The following AP3B1 variants were observed in gnomAD, a reference collection of about 807,000 sequenced individuals.
AP3B1 encodes the protein adaptor related protein complex 3 subunit beta 1.
Under a neutral mutation model 132.5 loss-of-function variants are expected in AP3B1, and 61 were observed. The ratio of observed to expected loss-of-function variants is 0.46; its 90% confidence interval spans 0.37 to 0.57. The LOEUF (loss-of-function observed/expected upper bound fraction) is 0.57, where lower values mean the gene tolerates loss of function less well. Among genes scored for constraint, AP3B1 ranks in the 20% least tolerant of loss-of-function variants. The pLI, the probability that AP3B1 is intolerant of heterozygous loss-of-function variation, is 0.00. For missense variants in AP3B1, 1,120 were observed against 1,289.4 expected (o/e 0.87, Z 2.01); for synonymous variants, 388 against 438.3 (o/e 0.89, Z 1.43).
intron 16 of AP3B1, 23 bp from the exon 17 acceptor site, chr5:78,128,183 T>C: frequency 6.4e-7 from 1 of 1,560,108 alleles, no homozygotes; most frequent in Non-Finnish European, 8.8e-7. Context: ...GGGAAAAATA[T>C]AAAATAAACA....
chr5:78,115,534 T>G (rs1259922539), intron 18 of AP3B1, among the ~76,000 whole-genome samples: 1 of 152,214 alleles, frequency 6.6e-6, no homozygotes, highest in Non-Finnish European at 1.5e-5. Flanking sequence ...TTATCTGATA[T>G]AGAGAAAAGT....
At chr5:78,037,751 T>C (rs903403840) in intron 23 of AP3B1, among the ~76,000 whole-genome samples, 2 of 152,178 alleles carry the variant, frequency 1.3e-5, no homozygotes, top group Non-Finnish European at 2.9e-5. Flanking sequence ...TTAAGTATTA[T>C]AAAAAGGAGC....
At chr5:78,081,968 G>A (rs1212758819) in intron 22 of AP3B1, among the ~76,000 whole-genome samples, 1 of 151,878 alleles carries the variant, frequency 6.6e-6, no homozygotes, top group Non-Finnish European at 1.5e-5. Flanking sequence ...ACTTCTGCCT[G>A]ATTTAGATAT....
intron 7 of AP3B1, among the ~76,000 whole-genome samples, chr5:78,207,982 A>G (rs756710621): frequency 6.6e-6 from 1 of 152,176 alleles, no homozygotes; most frequent in Non-Finnish European, 1.5e-5. Flanking sequence ...GAAAGTCTCA[A>G]AATTTTATCT....
At chr5:78,035,888 T>G (rs1257394709) in intron 23 of AP3B1, among the ~76,000 whole-genome samples, 1 of 152,116 alleles carries the variant, frequency 6.6e-6, no homozygotes, top group Non-Finnish European at 1.5e-5. Flanking sequence ...AGCTATGTGC[T>G]GTCAACAGTT....
At chr5:78,275,992 G>C (rs79595668) in intron 1 of AP3B1, among the ~76,000 whole-genome samples, 81 of 152,072 alleles carry the variant, frequency 5.3e-4, no homozygotes, top group African/African-American at 1.9e-3. Flanking sequence ...AAAGGTATAA[G>C]AATCAGAGTA....
At chr5:78,017,378 C>T (rs1379154587) in intron 25 of AP3B1, among the ~76,000 whole-genome samples, 1 of 151,924 alleles carries the variant, frequency 6.6e-6, no homozygotes. Context: ...ACAGTGTAAA[C>T]TGAATCAAGA....
intron 17 of AP3B1, among the ~76,000 whole-genome samples, chr5:78,123,965 C>T (rs567338598): frequency 7.8e-4 from 119 of 152,238 alleles, no homozygotes; most frequent in Non-Finnish European, 1.4e-3. Context: ...CCAACAACGA[C>T]AGACTGGATT....
intron 7 of AP3B1, among the ~76,000 whole-genome samples, chr5:78,188,704 T>A (rs1389046291): frequency 1.3e-5 from 2 of 152,202 alleles, no homozygotes; most frequent in African/African-American, 4.8e-5. Context: ...AAATACCATG[T>A]GACCCAGCAA....
chr5:78,040,048 C>T (rs1561368790), intron 22 of AP3B1, among the ~76,000 whole-genome samples: 1 of 152,102 alleles, frequency 6.6e-6, no homozygotes, highest in East Asian at 1.9e-4. Context: ...CCAATCCTGA[C>T]TCTTTGAACT....
intron 2 of AP3B1, among the ~76,000 whole-genome samples, chr5:78,246,238 C>G (rs73140760): frequency 0.011 from 1,659 of 152,252 alleles, 36 homozygotes; most frequent in African/African-American, 0.038. Flanking sequence ...CTTTGGTGGC[C>G]TCAGCCCCAA....
At chr5:78,113,074 A>G (rs1471477700) in intron 19 of AP3B1, among the ~76,000 whole-genome samples, 3 of 152,208 alleles carry the variant, frequency 2.0e-5, no homozygotes, top group East Asian at 3.8e-4. Flanking sequence ...CTGCGCCCCA[A>G]TCAGTGCTGT....
intron 22 of AP3B1, among the ~76,000 whole-genome samples, chr5:78,082,986 T>C (rs1175865256): frequency 2.0e-5 from 3 of 152,152 alleles, no homozygotes; most frequent in Non-Finnish European, 4.4e-5. Context: ...AGGCTAATTT[T>C]TTATATTTTT....
At chr5:78,108,587 G>A (rs530639650) in intron 20 of AP3B1, among the ~76,000 whole-genome samples, 51 of 152,212 alleles carry the variant, frequency 3.4e-4, no homozygotes, top group African/African-American at 1.2e-3. Context: ...CAATGTGAGC[G>A]AAACCCGAAT....
chr5:78,089,448 C>T lies in AP3B1; in HGVS notation c.2522G>A (p.Ser841Asn), dbSNP rs1750416475. The T allele has an allele frequency of 6.2e-7, 1 of 1,613,500 alleles. No homozygotes were observed. The highest frequency in any genetic ancestry group is 8.5e-7 in the Non-Finnish European group (1 of 1,179,564). Residue 841 changes from serine (S) to asparagine (N), a missense_variant, in exon 22 of 27, where the codon AGT becomes AAT. Ser to Asn is a conservative substitution (Grantham distance 46). Coordinates refer to ENST00000255194, the MANE Select transcript of AP3B1 (RefSeq NM_003664.5). ...TAAACCTTCAAGATCAGCCATCAAA[C>T]TTGGAGAAAGAGCTGGTGTGGGAAG... is the stretch of plus-strand genomic sequence containing the variant. ...VALPTPALSPSLMADLEGLHL... is the reference protein window; with the variant it reads ...VALPTPALSPNLMADLEGLHL...
At chr5:78,199,717 T>C (rs557985532) in intron 7 of AP3B1, among the ~76,000 whole-genome samples, 1 of 152,242 alleles carries the variant, frequency 6.6e-6, no homozygotes, top group African/African-American at 2.4e-5. Context: ...GGGCGATTAA[T>C]TAAAAGTTCC....
intron 1 of AP3B1, among the ~76,000 whole-genome samples, chr5:78,270,528 C>T (rs1316493273): frequency 6.6e-6 from 1 of 152,060 alleles, no homozygotes. Flanking sequence ...TTTATGGAGC[C>T]CTACCAAAAA....
chr5:78,155,072 G>C (rs185960699), intron 14 of AP3B1, among the ~76,000 whole-genome samples: 1 of 152,186 alleles, frequency 6.6e-6, no homozygotes, highest in Admixed American at 6.5e-5. Flanking sequence ...TCACAGTCTG[G>C]GCTTGTTTGT....
chr5:78,234,995 T>G (rs377598107), intron 3 of AP3B1, among the ~76,000 whole-genome samples: 74 of 151,390 alleles, frequency 4.9e-4, no homozygotes, highest in African/African-American at 1.8e-3. Context: ...TGGGGAGGGG[T>G]GTGTGTGTGT....
Sources: allele counts gnomAD v4.1 joint callset (sites outside exome capture counted in the v4.1 genomes callset), GRCh38; gene constraint gnomAD v4.1.1; transcripts MANE v1.5; gene names NCBI Gene and HGNC (gene_info 2026-07-23, HGNC 2026-07-21).